The following CALN1 variants were observed in gnomAD, a reference collection of about 807,000 sequenced individuals.
CALN1 encodes calcium-binding protein 8.
CALN1 carries 17 observed loss-of-function variants against 30.6 expected under a neutral mutation model. The observed-to-expected ratio is 0.56, with a 90% confidence interval of 0.38 to 0.83. The LOEUF is 0.83. Among genes scored for constraint, CALN1 ranks in the 40% least tolerant of loss-of-function variants. The pLI is 0.00. For synonymous variants in CALN1, 156 were observed against 131.4 expected, an observed-to-expected ratio of 1.19 and a Z score of -1.28; for missense variants, 291 against 354.9, an observed-to-expected ratio of 0.82 and a Z score of 1.45.
rs139240117 is a variant in CALN1 at position 71,914,744 on chromosome 7, T to G, written c.502-104252A>C. 1.2e-4 allele frequency among the ~76,000 whole-genome samples: 18 copies of G among 152,310 alleles called. No homozygotes were observed. The East Asian group carries it at 3.3e-3, about 28-fold the overall frequency. ...ACTTTTTAGTAATAGCCATTCTGACTGGTGTGAGATGGTGTCTCATTGTAG... is the reference window on the plus strand; with the variant it reads ...ACTTTTTAGTAATAGCCATTCTGACGGGTGTGAGATGGTGTCTCATTGTAG... On this transcript the variant is annotated intron_variant, in intron 5 of 6. Transcript: ENST00000395275.
intron 3 of CALN1, among the ~76,000 whole-genome samples, chr7:72,165,502 C>T (rs748770384): frequency 6.6e-6 from 1 of 151,914 alleles, no homozygotes; most frequent in African/African-American, 2.4e-5. Flanking sequence ...CCAGGAGGAT[C>T]GCTTAAACCC....
At chr7:72,027,041 C>A (rs534076746) in intron 4 of CALN1, among the ~76,000 whole-genome samples, 1 of 152,154 alleles carries the variant, frequency 6.6e-6, no homozygotes, top group Non-Finnish European at 1.5e-5. Flanking sequence ...ACAGTATCAC[C>A]CACAATGGGG....
At chr7:71,796,915 T>G (rs960531209) in intron 6 of CALN1, among the ~76,000 whole-genome samples, 1 of 152,214 alleles carries the variant, frequency 6.6e-6, no homozygotes, top group African/African-American at 2.4e-5. Context: ...GCTGCCTCAG[T>G]GAGACCTGGG....
chr7:71,872,564 A>T (rs1285382225), intron 5 of CALN1, among the ~76,000 whole-genome samples: 1 of 151,396 alleles, frequency 6.6e-6, no homozygotes, highest in Non-Finnish European at 1.5e-5. Context: ...TTTATCATTA[A>T]CTTTTTCTTA....
intron 5 of CALN1, among the ~76,000 whole-genome samples, chr7:71,974,417 CAAAAAAAAAAAAAAAAAAA>C (rs1052896558): frequency 1.8e-5 from 1 of 55,004 alleles, no homozygotes; most frequent in Non-Finnish European, 3.8e-5. Context: ...GACTCCATCT[CAAAAAAAAAAAAAAAAAAA>C]AAAAAAGGAA....
At chr7:71,863,252 C>A (rs1450810660) in intron 5 of CALN1, among the ~76,000 whole-genome samples, 1 of 149,788 alleles carries the variant, frequency 6.7e-6, no homozygotes, top group Non-Finnish European at 1.5e-5. Context: ...GAGTGAGACC[C>A]TCTCTCTCTC....
chr7:72,287,927 T>C (rs561263825), intron 2 of CALN1, among the ~76,000 whole-genome samples: 4 of 152,186 alleles, frequency 2.6e-5, no homozygotes, highest in Non-Finnish European at 5.9e-5. Flanking sequence ...TTTACCTTTA[T>C]TGGATTTAGT....
In CALN1 at chr7:72,394,007, C is replaced by A. The variant is rs377177207; in HGVS notation, c.119+9244G>T. Among the ~76,000 whole-genome samples the A allele has an allele frequency of 1.4e-4, 22 of 152,256 alleles. No individual in the cohort carries two copies. The East Asian group carries it at 1.5e-3, about 11-fold the overall frequency. ...GAATCACATAGGAAGTAAATGGATCCTGAGTGAACAGATTTCCAAGAGATG... is the reference window on the plus strand; with the variant it reads ...GAATCACATAGGAAGTAAATGGATCATGAGTGAACAGATTTCCAAGAGATG... On this transcript the variant is annotated intron_variant, in intron 2 of 6. Coordinates refer to ENST00000395275, the MANE Select transcript of CALN1 (RefSeq NM_031468.4).
chr7:72,318,356 T>C (rs1010197031), intron 2 of CALN1, among the ~76,000 whole-genome samples: 3 of 152,190 alleles, frequency 2.0e-5, no homozygotes, highest in Non-Finnish European at 4.4e-5. Context: ...GTCTCAACTA[T>C]TATCTCCCTC....
At chr7:72,227,655 T>C (rs2129550361) in intron 3 of CALN1, among the ~76,000 whole-genome samples, 1 of 151,950 alleles carries the variant, frequency 6.6e-6, no homozygotes, top group South Asian at 2.1e-4. Flanking sequence ...ACTACCTGAG[T>C]GAGAGGTCCA....
chr7:71,961,445 TG>T (rs1014698641), intron 5 of CALN1, among the ~76,000 whole-genome samples: 2 of 152,236 alleles, frequency 1.3e-5, no homozygotes, highest in African/African-American at 4.8e-5. Flanking sequence ...ATTTCCCCCT[TG>T]GGAGTCAGCC....
chr7:72,142,850 T>C (rs1390894717), intron 3 of CALN1, among the ~76,000 whole-genome samples: 1 of 152,128 alleles, frequency 6.6e-6, no homozygotes, highest in Non-Finnish European at 1.5e-5. Context: ...CCGCTACTGA[T>C]ACCCAGGCAA....
intron 2 of CALN1, among the ~76,000 whole-genome samples, chr7:72,286,996 G>T (rs1320403740): frequency 6.6e-6 from 1 of 152,148 alleles, no homozygotes; most frequent in Non-Finnish European, 1.5e-5. Flanking sequence ...TGGAAAAGGT[G>T]CATGCATTTG....
intron 2 of CALN1, among the ~76,000 whole-genome samples, chr7:72,331,364 A>G (rs6954066): frequency 0.99 from 150,576 of 152,220 alleles, 74,493 homozygotes; most frequent in Middle Eastern, 1. Flanking sequence ...AAGAAAGAAA[A>G]AAAAGAAAAA....
chr7:72,357,113 T>G (rs1339619937), intron 2 of CALN1, among the ~76,000 whole-genome samples: 2 of 151,942 alleles, frequency 1.3e-5, no homozygotes, highest in African/African-American at 2.4e-5. Flanking sequence ...AAACTGAAAC[T>G]TAGAGACAGC....
rs141157406 is a variant in CALN1 at position 72,135,646 on chromosome 7, G to A, written c.245-29352C>T. ...TTTGTTGTTTCATGTCTAGAGCATA[G>A]GCAGAATAGATTTACTATCATTCTG... On this transcript the variant is annotated intron_variant, in intron 3 of 6. Coordinates refer to ENST00000395275, the MANE Select transcript of CALN1 (RefSeq NM_031468.4). Among the ~76,000 whole-genome samples, 456 of 152,312 alleles carry A rather than the reference G, an allele frequency of 3.0e-3. 2 individuals are homozygous for A. The highest frequency in any genetic ancestry group is 5.3e-3 in the Non-Finnish European group (360 of 68,026).
At chr7:72,407,196 G>T (rs1191502224) in intron 1 of CALN1, among the ~76,000 whole-genome samples, 3 of 152,180 alleles carry the variant, frequency 2.0e-5, no homozygotes, top group African/African-American at 7.2e-5. Context: ...CCACTTAGGG[G>T]CTGTGTGACC....
intron 3 of CALN1, among the ~76,000 whole-genome samples, chr7:72,260,262 A>AG (rs796996226): frequency 1.2e-4 from 18 of 152,320 alleles, no homozygotes; most frequent in African/African-American, 4.3e-4. Context: ...AGAGAAGTCC[A>AG]GTTCATGAAG....
intron 5 of CALN1, among the ~76,000 whole-genome samples, chr7:71,819,860 G>GT (rs955145110): frequency 3.3e-5 from 5 of 152,032 alleles, no homozygotes. Context: ...ACCATTTTCT[G>GT]TAAACCCAAA....
Sources: gnomAD v4.1 joint callset for allele counts (sites outside exome capture counted in the v4.1 genomes callset) on GRCh38, gnomAD v4.1.1 for gene constraint, MANE v1.5 for transcripts, NCBI Gene and HGNC (gene_info 2026-07-23, HGNC 2026-07-21) for gene names.